TAF1A: variants seen among roughly 807,000 people sequenced by gnomAD.
TAF1A encodes TATA-box binding protein associated factor, RNA polymerase I subunit A.
Under a neutral mutation model 61.6 loss-of-function variants are expected in TAF1A, and 42 were observed. That is an observed-to-expected ratio of 0.68 (90% CI 0.53 to 0.88). The LOEUF (loss-of-function observed/expected upper bound fraction) is 0.88, where lower values mean the gene tolerates loss of function less well. Among genes scored for constraint, TAF1A ranks in the 40% least tolerant of loss-of-function variants. TAF1A has a pLI of 0.00. For missense variants in TAF1A, 424 were observed against 518.7 expected (o/e 0.82, Z 1.77); for synonymous variants, 179 against 177.7 (o/e 1.01, Z -0.06).
At chr1:222,583,681 A>T (rs1269925657) in intron 3 of TAF1A, among the ~76,000 whole-genome samples, 2 of 152,018 alleles carry the variant, frequency 1.3e-5, no homozygotes, top group Admixed American at 6.6e-5. Context: ...CTACCAAAAT[A>T]CAAAAAATTA....
chr1:222,560,593 T>C (rs986100936), intron 10 of TAF1A, among the ~76,000 whole-genome samples: 2 of 152,200 alleles, frequency 1.3e-5, no homozygotes, highest in Admixed American at 1.3e-4. Flanking sequence ...CATCAGTGTA[T>C]TGATTTTTAT....
At chr1:222,562,918 C>T (rs932953842) in intron 9 of TAF1A, among the ~76,000 whole-genome samples, 1 of 152,194 alleles carries the variant, frequency 6.6e-6, no homozygotes, top group Non-Finnish European at 1.5e-5. Flanking sequence ...AAAACACATA[C>T]GTATTCCTTA....
chr1:222,588,572 C>T lies in TAF1A; in HGVS notation c.-2-7G>A. ...TCACTGAAATCACTCATACCTATTACAAGATGAGATATCAGTTACTTTCTG... is the reference window on the plus strand; with the variant it reads ...TCACTGAAATCACTCATACCTATTATAAGATGAGATATCAGTTACTTTCTG... On this transcript the variant is annotated splice_region_variant and splice_polypyrimidine_tract_variant and intron_variant, in intron 1 of 10. Transcript: ENST00000352967. 2 of 1,612,144 alleles carry T rather than the reference C, an allele frequency of 1.2e-6. No homozygotes were observed. The highest frequency in any genetic ancestry group is 1.3e-5 in the African/African-American group (1 of 74,908).
Position 222,577,805 on chromosome 1 carries a change from G to C in TAF1A, c.406-162C>G, listed in dbSNP as rs1660634543. On this transcript the variant is annotated intron_variant, in intron 4 of 10. Coordinates refer to ENST00000352967, the MANE Select transcript of TAF1A (RefSeq NM_005681.4). ...TGGGTACAATCTGGCAAAGAAGTAA[G>C]ACATAGGAAACAATTAACACTATGT... Among the ~76,000 whole-genome samples the C allele has an allele frequency of 2.0e-5, 3 of 152,124 alleles. No homozygotes were observed. The South Asian group carries it at 6.2e-4, about 31-fold the overall frequency.
chr1:222,588,544 T>G lies in TAF1A; in HGVS notation c.20A>C (p.Glu7Ala), dbSNP rs772220462. The change falls in exon 2 of 11, where the codon GAA (glutamate) becomes GCA (alanine). Residue 7 changes from glutamate (E) to alanine (A), a missense_variant. By Grantham distance (107) the Glu-to-Ala change is moderately radical. Coordinates refer to ENST00000352967, the MANE Select transcript of TAF1A (RefSeq NM_005681.4). ...ATCATCTGTCACAGGCCCTTTTAATTCTTCACTGAAATCACTCATACCTAT... is the reference window on the plus strand; with the variant it reads ...ATCATCTGTCACAGGCCCTTTTAATGCTTCACTGAAATCACTCATACCTAT... MSDFSE[E>A]LKGPVTDDEE... The G allele has an allele frequency of 1.2e-6, 2 of 1,614,024 alleles. No homozygotes were observed. The highest frequency in any genetic ancestry group is 2.2e-5 in the South Asian group (2 of 91,044).
chr1:222,570,420 C>T (rs770938388), intron 6 of TAF1A, 115 bp downstream of exon 6: 512 of 1,157,050 alleles, frequency 4.4e-4, no homozygotes, highest in Non-Finnish European at 5.6e-4. Flanking sequence ...TTTTTGCTTT[C>T]TTTTAAATAA....
At chr1:222,567,223 C>T (rs1415256893) in intron 7 of TAF1A, among the ~76,000 whole-genome samples, 1 of 152,158 alleles carries the variant, frequency 6.6e-6, no homozygotes, top group Non-Finnish European at 1.5e-5. Flanking sequence ...TATGATTCCA[C>T]TTATATGAGG....
At chr1:222,561,937 C>G (rs1401634128) in intron 9 of TAF1A, among the ~76,000 whole-genome samples, 3 of 152,146 alleles carry the variant, frequency 2.0e-5, no homozygotes, top group African/African-American at 7.2e-5. Flanking sequence ...TAGGGTACAG[C>G]AGGTCTCATA....
intron 8 of TAF1A, among the ~76,000 whole-genome samples, chr1:222,563,788 T>C (rs1421044776): frequency 6.6e-6 from 1 of 152,256 alleles, no homozygotes; most frequent in Non-Finnish European, 1.5e-5. Flanking sequence ...TGCCTTCACA[T>C]TGTGTAACAG....
chr1:222,571,121 A>C (rs1660332075), intron 5 of TAF1A, among the ~76,000 whole-genome samples: 2 of 152,184 alleles, frequency 1.3e-5, no homozygotes, highest in South Asian at 4.1e-4. Context: ...TCAAAAGAAT[A>C]CAGGACCAAA....
At chr1:222,577,255 A>G (rs956648083) in intron 5 of TAF1A, among the ~76,000 whole-genome samples, 190 bp downstream of exon 5, 1 of 152,210 alleles carries the variant, frequency 6.6e-6, no homozygotes, top group Admixed American at 6.5e-5. Context: ...TTAATTATGA[A>G]CCATCTAATT....
chr1:222,586,547 G>A (rs1288700612), intron 2 of TAF1A, among the ~76,000 whole-genome samples: 1 of 152,012 alleles, frequency 6.6e-6, no homozygotes, highest in Non-Finnish European at 1.5e-5. Flanking sequence ...AAATTGTCAA[G>A]GAAAACACAT....
In TAF1A at chr1:222,569,566, A is replaced by G. The variant is rs776353188; in HGVS notation, c.838T>C (p.Tyr280His). 2.5e-6 allele frequency: 4 copies of G among 1,614,110 alleles called. No individual in the cohort carries two copies. The Admixed American group carries it at 5.0e-5, about 20-fold the overall frequency. Residue 280 changes from tyrosine to histidine, a missense_variant, in exon 7 of 11, where the codon TAC becomes CAC. Coordinates refer to ENST00000352967, the MANE Select transcript of TAF1A (RefSeq NM_005681.4). ...GCCTTCTGTCTCTTTAGAAAGTTGT[A>G]TAAGTAGATATGGGCATTTGGATTT... ...PSNPNAHIYLYNFLKRQKAPR... is the reference protein window; with the variant it reads ...PSNPNAHIYLHNFLKRQKAPR...
intron 4 of TAF1A, among the ~76,000 whole-genome samples, chr1:222,578,557 G>A (rs914018749): frequency 1.3e-5 from 2 of 152,144 alleles, no homozygotes; most frequent in Non-Finnish European, 2.9e-5. Context: ...TATAACCCCC[G>A]CCATGCAGGG....
chr1:222,580,556 T>C (rs1163948381), intron 3 of TAF1A, among the ~76,000 whole-genome samples: 1 of 152,166 alleles, frequency 6.6e-6, no homozygotes, highest in Non-Finnish European at 1.5e-5. Flanking sequence ...TGAACATACA[T>C]ATTGGTTATA....
At position 222,569,633 on chromosome 1, in the gene TAF1A, T is replaced by C; in HGVS notation, c.771A>G (p.Gln257=). 1 of 1,613,980 alleles carries C rather than the reference T, an allele frequency of 6.2e-7. No homozygotes were observed. The highest frequency in any genetic ancestry group is 8.5e-7 in the Non-Finnish European group (1 of 1,179,922). ...LEFYGDRDGA[Q]EVLTNYAYDE... The stretch of plus-strand genomic sequence containing the variant: ...CATATGCATAATTGGTGAGTACCTC[T>C]TGGGCTCCATCTCGATCCCCATAGA... Residue 257 remains glutamine, a synonymous_variant, in exon 7 of 11, where the codon CAA becomes CAG. Transcript: ENST00000352967.
At position 222,588,511 on chromosome 1, in the gene TAF1A, A is replaced by C. The variant is rs1490702814; in HGVS notation, c.53T>G (p.Val18Gly). Reference protein sequence around the residue: ...LKGPVTDDEEVETSVLSGAGM... With the variant: ...LKGPVTDDEEGETSVLSGAGM... Reference sequence around the variant, plus strand: ...TGCACCACTGAGCACAGATGTTTCCACTTCTTCATCATCTGTCACAGGCCC... The same window carrying C: ...TGCACCACTGAGCACAGATGTTTCCCCTTCTTCATCATCTGTCACAGGCCC... Residue 18 changes from valine to glycine, a missense_variant, in exon 2 of 11, where the codon GTG (valine) becomes GGG (glycine). Physicochemically the swap from Val to Gly is moderately radical, Grantham distance 109. Transcript: ENST00000352967. The C allele has an allele frequency of 1.9e-6, 3 of 1,614,006 alleles. No homozygotes were observed. The African/African-American group carries it at 4.0e-5, about 22-fold the overall frequency.
intron 5 of TAF1A, among the ~76,000 whole-genome samples, chr1:222,573,333 T>C (rs1484063483): frequency 1.3e-5 from 2 of 152,138 alleles, no homozygotes; most frequent in African/African-American, 2.4e-5. Context: ...GGTGAAAATA[T>C]TTCCAAGTCA....
At chr1:222,584,041 A>G (rs759651399) in intron 3 of TAF1A, 87 bp downstream of exon 3, 3 of 1,462,984 alleles carry the variant, frequency 2.1e-6, no homozygotes, top group East Asian at 4.7e-5. Context: ...AATCACTGAG[A>G]TTCTGTAAAA....
Sources: gnomAD v4.1 joint callset for allele counts (sites outside exome capture counted in the v4.1 genomes callset) on GRCh38, gnomAD v4.1.1 for gene constraint, MANE v1.5 for transcripts, NCBI Gene and HGNC (gene_info 2026-07-23, HGNC 2026-07-21) for gene names.